The following KCNN2 variants were observed in gnomAD, a reference collection of about 807,000 sequenced individuals.
KCNN2 encodes small conductance calcium-activated potassium channel protein 2.
Under a neutral mutation model 55.5 loss-of-function variants are expected in KCNN2, and 24 were observed. The observed-to-expected ratio is 0.43, with a 90% CI of 0.31 to 0.61. The LOEUF (loss-of-function observed/expected upper bound fraction) is 0.61. Among genes scored for constraint, KCNN2 ranks in the 20% least tolerant of loss-of-function variants. KCNN2 has a pLI of 0.08. For missense variants in KCNN2, 754 were observed against 853.6 expected (o/e 0.88, Z 1.45); for synonymous variants, 431 against 336.1 (o/e 1.28, Z -3.09).
intron 2 of KCNN2, among the ~76,000 whole-genome samples, chr5:114,275,944 C>T (rs10478158): frequency 0.13 from 19,917 of 152,070 alleles, 1,785 homozygotes; most frequent in Non-Finnish European, 0.18. Flanking sequence ...TTGATCTCTC[C>T]TGCTTTCTCT....
chr5:114,128,409 C>A (rs1233497997), intron 1 of KCNN2, among the ~76,000 whole-genome samples: 1 of 152,140 alleles, frequency 6.6e-6, no homozygotes, highest in African/African-American at 2.4e-5. Context: ...GGAACTAACT[C>A]ACTATCGTGA....
At chr5:114,476,622 T>C (rs1383748371) in intron 5 of KCNN2, among the ~76,000 whole-genome samples, 1 of 152,064 alleles carries the variant, frequency 6.6e-6, no homozygotes, top group Non-Finnish European at 1.5e-5. Flanking sequence ...GGTTTCTCCA[T>C]GTTGGTCAGG....
At chr5:114,457,529 T>C (rs973895142) in intron 3 of KCNN2, among the ~76,000 whole-genome samples, 5 of 152,212 alleles carry the variant, frequency 3.3e-5, no homozygotes, top group African/African-American at 1.2e-4. Context: ...AGGCATACTA[T>C]ACCTATGTTA....
intron 2 of KCNN2, among the ~76,000 whole-genome samples, chr5:114,262,084 A>T (rs1755120709): frequency 6.6e-6 from 1 of 152,228 alleles, no homozygotes; most frequent in Non-Finnish European, 1.5e-5. Flanking sequence ...AAACCTAAAG[A>T]GACTCATGTG....
chr5:114,435,140 C>A (rs1759960545), intron 3 of KCNN2, among the ~76,000 whole-genome samples: 1 of 150,682 alleles, frequency 6.6e-6, no homozygotes, highest in African/African-American at 2.4e-5. Flanking sequence ...CCTTACCCCT[C>A]ACCCCAGGAC....
intron 2 of KCNN2, among the ~76,000 whole-genome samples, chr5:114,266,198 G>C (rs7724323): frequency 0.012 from 1,841 of 152,124 alleles, 32 homozygotes; most frequent in African/African-American, 0.043. Flanking sequence ...TCTTTGATCA[G>C]TGTGTATTTT....
At chr5:114,203,558 C>G (rs564639026) in intron 1 of KCNN2, among the ~76,000 whole-genome samples, 3 of 152,164 alleles carry the variant, frequency 2.0e-5, no homozygotes, top group Non-Finnish European at 4.4e-5. Context: ...ACCTTTGAGT[C>G]AAGGACCTAG....
intron 1 of KCNN2, among the ~76,000 whole-genome samples, chr5:114,207,854 G>A (rs1275940960): frequency 1.3e-5 from 2 of 152,196 alleles, no homozygotes; most frequent in African/African-American, 2.4e-5. Context: ...ACAGAGTAGG[G>A]TTGTCTTATC....
chr5:114,125,777 T>A (rs1751918494), intron 1 of KCNN2, among the ~76,000 whole-genome samples: 1 of 152,216 alleles, frequency 6.6e-6, no homozygotes, highest in Admixed American at 6.5e-5. Context: ...GTCTTCTCCC[T>A]GTGTCTTTAC....
chr5:114,144,443 G>A (rs1182073167), intron 1 of KCNN2, among the ~76,000 whole-genome samples: 2 of 152,068 alleles, frequency 1.3e-5, no homozygotes, highest in East Asian at 3.9e-4. Flanking sequence ...CACCGTAGCA[G>A]CAATCAAGCC....
Position 114,400,969 on chromosome 5 carries a change from CTA to C in KCNN2, c.1219-3467_1219-3466del, listed in dbSNP as rs201586691. On this transcript the variant is annotated intron_variant, in intron 2 of 7. Transcript: ENST00000673685. ...GATTTCTTTACGTCTGCTTTCTTGACTATGTTTTTTTTTTTCTTTCTTTTTTT... is the reference window on the plus strand; with the variant it reads ...GATTTCTTTACGTCTGCTTTCTTGACTGTTTTTTTTTTTCTTTCTTTTTTT... Among the ~76,000 whole-genome samples, 847 of 151,100 alleles carry C rather than the reference CTA, an allele frequency of 5.6e-3. 6 individuals carry two copies. Among genetic ancestry groups the C allele is most frequent in the Middle Eastern group, 0.034 (10 of 292 alleles).
At chr5:114,454,850 C>T (rs1760849588) in intron 3 of KCNN2, among the ~76,000 whole-genome samples, 1 of 152,200 alleles carries the variant, frequency 6.6e-6, no homozygotes, top group African/African-American at 2.4e-5. Context: ...TTGGTTTCTC[C>T]AAGTTGTGAC....
intron 3 of KCNN2, among the ~76,000 whole-genome samples, chr5:114,435,064 G>A (rs1759955042): frequency 6.6e-6 from 1 of 151,834 alleles, no homozygotes; most frequent in South Asian, 2.1e-4. Context: ...GGAGCTCCTG[G>A]AAATTAAACT....
At chr5:114,090,561 C>T (rs7700873) in intron 1 of KCNN2, among the ~76,000 whole-genome samples, 1 of 138,152 alleles carries the variant, frequency 7.2e-6, no homozygotes, top group Admixed American at 7.5e-5. Flanking sequence ...CTCTCTCTCT[C>T]TATATATATA....
chr5:114,380,668 A>G lies in KCNN2; in HGVS notation c.1218+16667A>G, dbSNP rs190008486. Among the ~76,000 whole-genome samples, 22 of 152,330 alleles carry G rather than the reference A, an allele frequency of 1.4e-4. No individual in the cohort carries two copies. In the East Asian group the frequency reaches 4.1e-3, roughly 28 times the overall value. ...TAGTATTTTCATTATTGTATTCATCATTAATCATGACCTCTGTGATCCTTT... is the reference window on the plus strand; with the variant it reads ...TAGTATTTTCATTATTGTATTCATCGTTAATCATGACCTCTGTGATCCTTT... On this transcript the variant is annotated intron_variant, in intron 2 of 7. Coordinates refer to ENST00000673685, the MANE Select transcript of KCNN2 (RefSeq NM_021614.4).
chr5:114,248,258 T>A (rs769839753), intron 2 of KCNN2, among the ~76,000 whole-genome samples: 1 of 152,196 alleles, frequency 6.6e-6, no homozygotes, highest in Non-Finnish European at 1.5e-5. Context: ...ATCCTCTTAA[T>A]GATATTATGG....
At chr5:114,406,452 A>G (rs1014227986) in intron 3 of KCNN2, among the ~76,000 whole-genome samples, 26 of 151,772 alleles carry the variant, frequency 1.7e-4, no homozygotes, top group Middle Eastern at 3.4e-3. Flanking sequence ...TCTATATTCT[A>G]TGTTTACATT....
intron 3 of KCNN2, among the ~76,000 whole-genome samples, chr5:114,422,238 T>G (rs1297108957): frequency 6.6e-6 from 1 of 152,220 alleles, no homozygotes; most frequent in East Asian, 1.9e-4. Context: ...AAATTCATGT[T>G]GAAACCTAAT....
At chr5:114,098,316 C>A (rs778977850) in intron 1 of KCNN2, among the ~76,000 whole-genome samples, 1 of 151,960 alleles carries the variant, frequency 6.6e-6, no homozygotes, top group Non-Finnish European at 1.5e-5. Flanking sequence ...TCTTTAGGGA[C>A]CATTGTTTGG....
Sources: allele counts gnomAD v4.1 joint callset (sites outside exome capture counted in the v4.1 genomes callset), GRCh38; gene constraint gnomAD v4.1.1; transcripts MANE v1.5; gene names NCBI Gene and HGNC (gene_info 2026-07-23, HGNC 2026-07-21).